The following ACOT12 variants were observed in gnomAD, a reference collection of about 807,000 sequenced individuals.
The protein encoded by ACOT12 is acetyl-coenzyme A thioesterase.
In ACOT12, 51 loss-of-function variants were observed where a neutral mutation model predicts 67.7. The observed-to-expected ratio is 0.75, with a 90% CI of 0.60 to 0.95. ACOT12 has a LOEUF of 0.95. Among genes scored for constraint, ACOT12 ranks in the 40% least tolerant of loss-of-function variants. The probability of loss-of-function intolerance (pLI) is 0.00; values close to 1 mark genes in which losing one functional copy is unlikely to be tolerated. For missense variants in ACOT12, 734 were observed against 708.1 expected, an observed-to-expected ratio of 1.04 and a Z score of -0.41; for synonymous variants, 251 against 244.6, an observed-to-expected ratio of 1.03 and a Z score of -0.24.
At position 81,343,893 on chromosome 5, in the gene ACOT12, A is replaced by T. The variant is rs1312207684; in HGVS notation, c.981-12T>A. 1 of 1,611,332 alleles carries T rather than the reference A, an allele frequency of 6.2e-7. No individual in the cohort carries two copies. The highest frequency in any genetic ancestry group is 8.5e-7 in the Non-Finnish European group (1 of 1,178,396). ...AAATAACATATTTTCTGGAAAAAAA[A>T]ATTAAAGTGTTAAATGACAGTTTTT... On this transcript the variant is annotated splice_polypyrimidine_tract_variant and intron_variant, in intron 9 of 14. Coordinates refer to ENST00000307624, the MANE Select transcript of ACOT12 (RefSeq NM_130767.3).
the ACOT12 span, chr5:81,312,426 C>A: frequency 1.4e-6 from 1 of 738,280 alleles, no homozygotes; most frequent in South Asian, 1.8e-5. Context: ...GTGATGGAGT[C>A]TTCCCTCCTT....
At chr5:81,362,535 G>A (rs1759947761) in intron 4 of ACOT12, among the ~76,000 whole-genome samples, 1 of 152,174 alleles carries the variant, frequency 6.6e-6, no homozygotes, top group African/African-American at 2.4e-5. Flanking sequence ...GGGGGAATAT[G>A]ACGGTCTTCC....
the ACOT12 span, among the ~76,000 whole-genome samples, chr5:81,315,013 C>T: frequency 5.3e-5 from 8 of 152,166 alleles, no homozygotes; most frequent in Admixed American, 5.2e-4. Context: ...AGTGCTCCTT[C>T]GGTCTTTTGT....
intron 5 of ACOT12, among the ~76,000 whole-genome samples, chr5:81,348,955 C>T (rs903233298): frequency 6.6e-6 from 1 of 152,248 alleles, no homozygotes; most frequent in African/African-American, 2.4e-5. Flanking sequence ...GGCTGCAAAG[C>T]AGTAAAATGT....
At chr5:81,383,258 A>G (rs1001888955) in intron 2 of ACOT12, among the ~76,000 whole-genome samples, 2 of 152,168 alleles carry the variant, frequency 1.3e-5, no homozygotes, top group African/African-American at 4.8e-5. Flanking sequence ...GCTGCCCTGT[A>G]GTCCCAGCTA....
At chr5:81,370,739 C>T (rs1760224029) in intron 3 of ACOT12, among the ~76,000 whole-genome samples, 1 of 152,168 alleles carries the variant, frequency 6.6e-6, no homozygotes, top group African/African-American at 2.4e-5. Flanking sequence ...CCGTGGGACA[C>T]TACTTTTCTG....
chr5:81,329,269 T>A (rs1758746164), downstream of ACOT12, among the ~76,000 whole-genome samples: 1 of 152,232 alleles, frequency 6.6e-6, no homozygotes, highest in Non-Finnish European at 1.5e-5. Flanking sequence ...ATTACTAATT[T>A]TGTTGACTTT....
intron 5 of ACOT12, among the ~76,000 whole-genome samples, chr5:81,354,627 A>C (rs776656232): frequency 6.6e-6 from 1 of 152,200 alleles, no homozygotes; most frequent in Admixed American, 6.5e-5. Flanking sequence ...CCAGTGTCTA[A>C]AGTACAGATT....
downstream of ACOT12, among the ~76,000 whole-genome samples, chr5:81,329,825 T>C (rs1002427395): frequency 8.9e-6 from 1 of 112,308 alleles, no homozygotes; most frequent in Admixed American, 1.2e-4. Flanking sequence ...CTGGAATATA[T>C]GTTAAATGAC....
chr5:81,317,065 A>G, the ACOT12 span, among the ~76,000 whole-genome samples: 1 of 152,112 alleles, frequency 6.6e-6, no homozygotes, highest in African/African-American at 2.4e-5. Flanking sequence ...GATGGAGTTC[A>G]TCTTATCTGA....
chr5:81,371,877 A>G (rs1478889873), intron 2 of ACOT12, 67 bp from the exon 3 acceptor site: 2 of 1,367,376 alleles, frequency 1.5e-6, no homozygotes, highest in South Asian at 2.3e-5. Flanking sequence ...AGACTTAAAG[A>G]TTACTTAAAT....
rs116174844 is a variant in ACOT12, at chr5:81,336,101, C to T, written c.1129-200G>A. ...TGTCCAGGATGCTGTAGTCTCGTGT[C>T]CTCTAAACAATATGTGACTTGAGGG... On this transcript the variant is annotated intron_variant, in intron 11 of 14. Coordinates refer to ENST00000307624, the MANE Select transcript of ACOT12 (RefSeq NM_130767.3). Among the ~76,000 whole-genome samples, 572 of 152,172 alleles carry T rather than the reference C, an allele frequency of 3.8e-3. 6 individuals carry two copies. Among genetic ancestry groups the T allele is most frequent in the Non-Finnish European group, 5.7e-3 (388 of 68,002 alleles).
chr5:81,339,957 T>C (rs1759136434), intron 11 of ACOT12, among the ~76,000 whole-genome samples: 1 of 151,906 alleles, frequency 6.6e-6, no homozygotes, highest in Admixed American at 6.6e-5. Context: ...ACTCCTAGGC[T>C]CAAACAATCC....
At chr5:81,355,276 C>T (rs1022326715) in intron 5 of ACOT12, among the ~76,000 whole-genome samples, 5 of 152,242 alleles carry the variant, frequency 3.3e-5, no homozygotes, top group African/African-American at 1.2e-4. Context: ...TTTATTATTC[C>T]CATTTTACAG....
At chr5:81,373,104 C>T (rs1178745029) in intron 2 of ACOT12, among the ~76,000 whole-genome samples, 1 of 152,196 alleles carries the variant, frequency 6.6e-6, no homozygotes, top group East Asian at 1.9e-4. Flanking sequence ...CTCCAGTCTG[C>T]AGCTATCAGC....
intron 2 of ACOT12, among the ~76,000 whole-genome samples, chr5:81,385,111 T>C (rs1038603653): frequency 6.6e-6 from 1 of 152,186 alleles, no homozygotes; most frequent in Non-Finnish European, 1.5e-5. Context: ...AAGATACTTA[T>C]TATCATTAAT....
intron 1 of ACOT12, among the ~76,000 whole-genome samples, chr5:81,388,052 T>C (rs534260471): frequency 1.3e-5 from 2 of 152,230 alleles, no homozygotes; most frequent in Non-Finnish European, 2.9e-5. Flanking sequence ...CATTTAAGCA[T>C]GTCGATTACA....
chr5:81,312,199 G>A, the ACOT12 span, among the ~76,000 whole-genome samples: 2 of 152,170 alleles, frequency 1.3e-5, no homozygotes, highest in African/African-American at 4.8e-5. Context: ...GGAATCTTGT[G>A]CATTTAAAAC....
intron 13 of ACOT12, 132 bp from the exon 14 acceptor site, chr5:81,331,072 T>C (rs1402649794): frequency 9.2e-7 from 1 of 1,081,624 alleles, no homozygotes; most frequent in East Asian, 2.7e-5. Flanking sequence ...TCTAGAAGAG[T>C]GGTCTCATCA....
Sources: allele counts gnomAD v4.1 joint callset (sites outside exome capture counted in the v4.1 genomes callset), GRCh38; gene constraint gnomAD v4.1.1; transcripts MANE v1.5; gene names NCBI Gene and HGNC (gene_info 2026-07-23, HGNC 2026-07-21).